The following ELMO1 variants were observed in gnomAD, a reference collection of about 807,000 sequenced individuals.
ELMO1 encodes the protein engulfment and cell motility protein 1.
In ELMO1, 26 loss-of-function variants were observed where a neutral mutation model predicts 98.9. That is an observed-to-expected ratio of 0.26 (90% confidence interval 0.19 to 0.36). The LOEUF (loss-of-function observed/expected upper bound fraction) is 0.36, where lower values mean the gene tolerates loss of function less well. Among genes scored for constraint, ELMO1 ranks in the 10% least tolerant of loss-of-function variants. The pLI is 1.00. For missense variants in ELMO1, 627 were observed against 935.2 expected (o/e 0.67, Z 4.30); for synonymous variants, 346 against 346.0 (o/e 1.00, Z 0.00).
intron 15 of ELMO1, among the ~76,000 whole-genome samples, chr7:37,063,622 A>G (rs1796784371): frequency 6.6e-6 from 1 of 152,166 alleles, no homozygotes; most frequent in African/African-American, 2.4e-5. Context: ...CTTTCTCTTC[A>G]TCACAGCTTC....
At chr7:37,165,151 A>G (rs148608756) in intron 13 of ELMO1, among the ~76,000 whole-genome samples, 144,548 of 151,954 alleles carry the variant, frequency 0.95, 69,064 homozygotes, top group Non-Finnish European at 0.99. Flanking sequence ...TGTTATTGGT[A>G]TACAAGAATG....
At chr7:36,939,216 C>CT (rs149232744) in intron 16 of ELMO1, among the ~76,000 whole-genome samples, 12,736 of 150,798 alleles carry the variant, frequency 0.084, 1,134 homozygotes, top group African/African-American at 0.22. Context: ...AGGCCAAAGA[C>CT]TTGGCCACTT....
At chr7:36,901,757 T>C (rs997526030) in intron 16 of ELMO1, among the ~76,000 whole-genome samples, 1 of 152,160 alleles carries the variant, frequency 6.6e-6, no homozygotes, top group African/African-American at 2.4e-5. Flanking sequence ...ACCCAATATG[T>C]TATAAGGTTC....
At chr7:37,059,333 C>A (rs1388215808) in intron 15 of ELMO1, among the ~76,000 whole-genome samples, 1 of 152,138 alleles carries the variant, frequency 6.6e-6, no homozygotes, top group Non-Finnish European at 1.5e-5. Flanking sequence ...GGCAGGAATG[C>A]AAGCTTAGGG....
intron 15 of ELMO1, among the ~76,000 whole-genome samples, chr7:37,089,704 A>G (rs1324438033): frequency 6.6e-6 from 1 of 152,244 alleles, no homozygotes; most frequent in Non-Finnish European, 1.5e-5. Flanking sequence ...ATGACAGAGG[A>G]CTGTAATCTG....
At chr7:37,249,809 T>C (rs1352181196) in intron 6 of ELMO1, among the ~76,000 whole-genome samples, 1 of 152,202 alleles carries the variant, frequency 6.6e-6, no homozygotes, top group East Asian at 1.9e-4. Flanking sequence ...CCAGGCCCGG[T>C]AGCTCACACC....
chr7:36,985,899 T>C (rs900177561), intron 16 of ELMO1: 2 of 1,001,244 alleles, frequency 2.0e-6, no homozygotes, highest in African/African-American at 1.7e-5. Flanking sequence ...GGTGGACACA[T>C]GTGTGAGACG....
At chr7:37,193,519 C>T (rs181824440) in intron 13 of ELMO1, among the ~76,000 whole-genome samples, 54 of 152,292 alleles carry the variant, frequency 3.5e-4, no homozygotes, top group East Asian at 1.2e-3. Flanking sequence ...GAGAGTGACA[C>T]GGAGGCTGGA....
chr7:36,858,590 A>G (rs1802379566), intron 21 of ELMO1, among the ~76,000 whole-genome samples: 1 of 152,190 alleles, frequency 6.6e-6, no homozygotes, highest in Non-Finnish European at 1.5e-5. Flanking sequence ...CTTAAAACAG[A>G]GATTATCTTG....
chr7:37,040,182 A>G (rs1294539442), intron 15 of ELMO1, among the ~76,000 whole-genome samples: 1 of 152,098 alleles, frequency 6.6e-6, no homozygotes, highest in Non-Finnish European at 1.5e-5. Context: ...TGGCTAATAT[A>G]CTGGACAGTA....
intron 1 of ELMO1, among the ~76,000 whole-genome samples, chr7:37,345,589 C>A (rs996796017): frequency 6.6e-6 from 1 of 151,598 alleles, no homozygotes; most frequent in Admixed American, 6.6e-5. Context: ...TGCTTGTAAT[C>A]GCAGCTACTC....
At chr7:36,913,327 C>T (rs1216582893) in intron 16 of ELMO1, among the ~76,000 whole-genome samples, 3 of 152,104 alleles carry the variant, frequency 2.0e-5, no homozygotes, top group African/African-American at 7.2e-5. Flanking sequence ...AGAGGAATGT[C>T]AACAAGGTTA....
At chr7:37,101,811 A>G (rs1784660417) in intron 14 of ELMO1, among the ~76,000 whole-genome samples, 1 of 151,936 alleles carries the variant, frequency 6.6e-6, no homozygotes, top group Non-Finnish European at 1.5e-5. Context: ...TCTCTCTCCT[A>G]GGAGAGAGTC....
intron 14 of ELMO1, among the ~76,000 whole-genome samples, chr7:37,116,608 C>T (rs1382460250): frequency 6.6e-6 from 1 of 151,928 alleles, no homozygotes; most frequent in East Asian, 1.9e-4. Context: ...CACTATACAG[C>T]TTAGCTTCAC....
chr7:36,915,168 C>A (rs1208008333), intron 16 of ELMO1, among the ~76,000 whole-genome samples: 1 of 152,074 alleles, frequency 6.6e-6, no homozygotes, highest in Non-Finnish European at 1.5e-5. Flanking sequence ...TTCAAGTGAG[C>A]CAATCTTTCT....
At chr7:37,295,963 C>A (rs1300769993) in intron 4 of ELMO1, among the ~76,000 whole-genome samples, 1 of 152,220 alleles carries the variant, frequency 6.6e-6, no homozygotes, top group Non-Finnish European at 1.5e-5. Context: ...AACGTGAATA[C>A]ATTCCCACCG....
chr7:37,064,721 C>T (rs1796863742), intron 15 of ELMO1, among the ~76,000 whole-genome samples: 1 of 152,122 alleles, frequency 6.6e-6, no homozygotes, highest in African/African-American at 2.4e-5. Context: ...AGCCAATCTC[C>T]CCGTAAGTAC....
chr7:37,016,075 T>C (rs908725374), intron 15 of ELMO1, among the ~76,000 whole-genome samples: 7 of 152,298 alleles, frequency 4.6e-5, no homozygotes, highest in East Asian at 1.9e-4. Flanking sequence ...TAAAACACTA[T>C]TGCCATCTAA....
At chr7:37,023,937 G>A (rs1794423315) in intron 15 of ELMO1, among the ~76,000 whole-genome samples, 1 of 152,142 alleles carries the variant, frequency 6.6e-6, no homozygotes, top group Non-Finnish European at 1.5e-5. Flanking sequence ...TACTGCAGAT[G>A]TCAATGCAAA....
Sources: gnomAD v4.1 joint callset for allele counts (sites outside exome capture counted in the v4.1 genomes callset) on GRCh38, gnomAD v4.1.1 for gene constraint, MANE v1.5 for transcripts, NCBI Gene and HGNC (gene_info 2026-07-23, HGNC 2026-07-21) for gene names.